The following PCDH7 variants were observed in gnomAD, a reference collection of about 807,000 sequenced individuals.
The protein encoded by PCDH7 is protocadherin 7.
In PCDH7, 17 loss-of-function variants were observed where a neutral mutation model predicts 58.9. The ratio of observed to expected loss-of-function variants is 0.29; its 90% confidence interval spans 0.20 to 0.43. PCDH7 has a LOEUF of 0.43. PCDH7 is among the 20% of genes least tolerant of loss of function. The probability of loss-of-function intolerance (pLI) is 1.00; values close to 1 mark genes in which losing one functional copy is unlikely to be tolerated. For missense variants in PCDH7, 1,274 were observed against 1,441.0 expected, an observed-to-expected ratio of 0.88 and a Z score of 1.88; for synonymous variants, 664 against 616.4, an observed-to-expected ratio of 1.08 and a Z score of -1.14.
chr4:30,734,930 G>T (rs1166051891), downstream of PCDH7, among the ~76,000 whole-genome samples: 1 of 152,106 alleles, frequency 6.6e-6, no homozygotes, highest in African/African-American at 2.4e-5. Flanking sequence ...TCTACCTGCT[G>T]TGTTGGCCGG....
chr4:31,078,638 C>CCTTTTTTTT (rs1578735926), intron 3 of PCDH7, among the ~76,000 whole-genome samples: 2 of 78,860 alleles, frequency 2.5e-5, no homozygotes, highest in Admixed American at 3.5e-4. Flanking sequence ...AACCATGCCC[C>CCTTTTTTTT]ATTTTTTTTT....
At chr4:30,987,319 CT>C (rs997158899) in intron 3 of PCDH7, among the ~76,000 whole-genome samples, 18 of 149,450 alleles carry the variant, frequency 1.2e-4, no homozygotes, top group African/African-American at 3.2e-4. Flanking sequence ...ACTTGAAAAT[CT>C]TTTTTTTTTC....
intron 1 of PCDH7, among the ~76,000 whole-genome samples, chr4:30,791,088 A>G (rs1308577824): frequency 1.3e-5 from 2 of 152,324 alleles, no homozygotes; most frequent in East Asian, 1.9e-4. Context: ...GAAAATGAGT[A>G]TCTTGCCACT....
intron 2 of PCDH7, among the ~76,000 whole-genome samples, chr4:30,930,501 T>C (rs541801031): frequency 6.6e-6 from 1 of 152,318 alleles, no homozygotes; most frequent in South Asian, 2.1e-4. Context: ...GCTGAATTCC[T>C]GGGAATAGAT....
chr4:30,909,525 A>G (rs1741441787), intron 1 of PCDH7, among the ~76,000 whole-genome samples: 1 of 152,216 alleles, frequency 6.6e-6, no homozygotes, highest in Admixed American at 6.5e-5. Context: ...AAGCATTCCT[A>G]TACACCAGTA....
At chr4:30,946,523 A>G (rs1578381295) in intron 2 of PCDH7, among the ~76,000 whole-genome samples, 1 of 94,360 alleles carries the variant, frequency 1.1e-5, no homozygotes, top group Non-Finnish European at 2.6e-5. Context: ...CCCTTTCCAT[A>G]AACTTTTTTT....
At chr4:30,899,078 T>A (rs1402107633) in intron 1 of PCDH7, among the ~76,000 whole-genome samples, 1 of 152,152 alleles carries the variant, frequency 6.6e-6, no homozygotes, top group Non-Finnish European at 1.5e-5. Flanking sequence ...TTTCATGAAG[T>A]TTTCCTTTGG....
chr4:30,925,447 C>T (rs944459988), intron 2 of PCDH7, among the ~76,000 whole-genome samples: 1 of 152,182 alleles, frequency 6.6e-6, no homozygotes, highest in Non-Finnish European at 1.5e-5. Context: ...CTGCCTCTTC[C>T]ATCTTTCCAA....
intron 2 of PCDH7, chr4:30,950,047 G>A (rs888181979): frequency 2.6e-5 from 4 of 152,508 alleles, no homozygotes; most frequent in African/African-American, 9.7e-5. Context: ...TATTGGCGAG[G>A]TCTATGGATG....
chr4:31,020,338 G>A (rs565547883), intron 3 of PCDH7, among the ~76,000 whole-genome samples: 4 of 152,272 alleles, frequency 2.6e-5, no homozygotes, highest in East Asian at 1.9e-4. Context: ...GTACAGGTAC[G>A]TGAGATTCTC....
chr4:30,832,543 T>C (rs1729934969), intron 1 of PCDH7, among the ~76,000 whole-genome samples: 1 of 152,176 alleles, frequency 6.6e-6, no homozygotes, highest in Admixed American at 6.6e-5. Flanking sequence ...CTTAAATCCA[T>C]TTCTGTCATC....
intron 3 of PCDH7, among the ~76,000 whole-genome samples, chr4:30,955,131 TG>T: frequency 6.6e-6 from 1 of 152,200 alleles, no homozygotes; most frequent in Middle Eastern, 3.4e-3. Flanking sequence ...TTTTCTTGTT[TG>T]AGGTATACAC....
At chr4:30,728,816 TCG>T (rs889956197) in intron 1 of PCDH7, among the ~76,000 whole-genome samples, 1 of 151,072 alleles carries the variant, frequency 6.6e-6, no homozygotes, top group African/African-American at 2.4e-5. Context: ...ATTACATATC[TCG>T]TATGTGAAAA....
chr4:30,935,545 A>G (rs892707595), intron 2 of PCDH7, among the ~76,000 whole-genome samples: 3 of 152,180 alleles, frequency 2.0e-5, no homozygotes, highest in Non-Finnish European at 4.4e-5. Context: ...AGAAACCTGC[A>G]TATATTTTCC....
At chr4:31,030,217 A>G (rs551337988) in intron 3 of PCDH7, among the ~76,000 whole-genome samples, 3 of 151,902 alleles carry the variant, frequency 2.0e-5, no homozygotes, top group Non-Finnish European at 4.4e-5. Context: ...AGTTATATTC[A>G]TTTGTCCTAT....
At chr4:30,944,764 G>A (rs1438439534) in intron 2 of PCDH7, among the ~76,000 whole-genome samples, 1 of 152,116 alleles carries the variant, frequency 6.6e-6, no homozygotes, top group African/African-American at 2.4e-5. Flanking sequence ...TGTCCATTGT[G>A]TAAAATCATG....
chr4:30,939,981 A>G (rs1745826390), intron 2 of PCDH7, among the ~76,000 whole-genome samples: 1 of 152,034 alleles, frequency 6.6e-6, no homozygotes, highest in South Asian at 2.1e-4. Flanking sequence ...AAAGGTAGGA[A>G]GTTTAACTGG....
rs1330311509 is a variant in PCDH7, at chr4:30,820,451, G to A, written c.70+95855G>A. Reference sequence around the variant, plus strand: ...AGAGTCTGATTGGACAAGGAGTTGCGTATTTGACTACTTCTTGTGTATGAA... The same window carrying A: ...AGAGTCTGATTGGACAAGGAGTTGCATATTTGACTACTTCTTGTGTATGAA... On this transcript the variant is annotated intron_variant, in intron 1 of 3. Coordinates refer to the PCDH7 transcript ENST00000509759. Among the ~76,000 whole-genome samples the A allele has an allele frequency of 5.9e-5, 9 of 152,202 alleles. No individual in the cohort carries two copies. In the East Asian group the frequency reaches 1.4e-3, roughly 23 times the overall value.
At chr4:30,833,867 A>G (rs1360139950) in intron 1 of PCDH7, among the ~76,000 whole-genome samples, 1 of 152,224 alleles carries the variant, frequency 6.6e-6, no homozygotes, top group Non-Finnish European at 1.5e-5. Flanking sequence ...AGATGACGGA[A>G]AGAACATTCT....
Sources: gnomAD v4.1 joint callset for allele counts (sites outside exome capture counted in the v4.1 genomes callset) on GRCh38, gnomAD v4.1.1 for gene constraint, MANE v1.5 for transcripts, NCBI Gene and HGNC (gene_info 2026-07-23, HGNC 2026-07-21) for gene names.